Variants in DUS2 observed in about 807,000 individuals in gnomAD.
The protein encoded by DUS2 is tRNA-dihydrouridine(20) synthase [NAD(P)+]-like.
DUS2 carries 52 observed loss-of-function variants against 71.3 expected under a neutral mutation model. That is an observed-to-expected ratio of 0.73 (90% confidence interval 0.58 to 0.92). DUS2 has a LOEUF of 0.92. DUS2 is among the 40% of genes least tolerant of loss of function. The pLI, the probability that DUS2 is intolerant of heterozygous loss-of-function variation, is 0.00. For synonymous variants in DUS2, 204 were observed against 227.8 expected (o/e 0.90, Z 0.94); for missense variants, 558 against 622.6 (o/e 0.90, Z 1.10).
In DUS2 at chr16:68,023,312, G is replaced by A; in HGVS notation, c.-138G>A. The A allele has an allele frequency of 7.8e-7, 1 of 1,289,616 alleles. No homozygotes were observed. The allele number at this position is 1,289,616 out of a possible 1,614,324, so 79.9% of individuals were successfully genotyped here. ...ACGGTGTGTGGAGCTGGAGCACCGT[G>A]AGGAAGAAGCGAGGTTCTTTTTAAG... On this transcript the variant is annotated 5_prime_UTR_variant, in exon 1 of 17. Transcript: ENST00000565263.
intron 3 of DUS2, among the ~76,000 whole-genome samples, chr16:68,042,975 T>TG (rs1423083377): frequency 4.6e-5 from 7 of 152,308 alleles, no homozygotes; most frequent in Admixed American, 4.6e-4. Flanking sequence ...CCCAAAGTGC[T>TG]GGGATTACAG....
chr16:68,050,532 C>CATT (rs1275487551), intron 4 of DUS2, among the ~76,000 whole-genome samples: 1 of 152,122 alleles, frequency 6.6e-6, no homozygotes, highest in Non-Finnish European at 1.5e-5. Context: ...CATAATCCTA[C>CATT]ACCTAAAGAG....
intron 13 of DUS2, among the ~76,000 whole-genome samples, chr16:68,074,860 G>A (rs1598320624): frequency 6.6e-6 from 1 of 152,302 alleles, no homozygotes; most frequent in Non-Finnish European, 1.5e-5. Flanking sequence ...CTTGGCTTAT[G>A]GCATTGGTTC....
In DUS2 at chr16:68,033,485, TA is replaced by T. The variant is rs1326954194; in HGVS notation, c.-18-4512del. On this transcript the variant is annotated intron_variant, in intron 2 of 16. Coordinates refer to ENST00000565263, the MANE Select transcript of DUS2 (RefSeq NM_017803.5). ...TTTAAAATTATTTTTATTTAAAAATTAAAAAAAAATTTTTTTTGAGACAGGG... is the reference window on the plus strand; with the variant it reads ...TTTAAAATTATTTTTATTTAAAAATTAAAAAAAATTTTTTTTGAGACAGGG... 3.3e-5 allele frequency among the ~76,000 whole-genome samples: 5 copies of T among 151,582 alleles called. 1 individual carries two copies. The highest frequency in any genetic ancestry group is 1.9e-4 in the East Asian group (1 of 5,196).
At chr16:68,040,385 A>G (rs1567471796) in intron 3 of DUS2, among the ~76,000 whole-genome samples, 1 of 152,140 alleles carries the variant, frequency 6.6e-6, no homozygotes, top group East Asian at 1.9e-4. Context: ...ACCCGGCCTT[A>G]GGATTGTTTT....
chr16:68,044,035 T>TA lies in DUS2; in HGVS notation c.127-5469dup, dbSNP rs761182787. On this transcript the variant is annotated intron_variant, in intron 3 of 16. Transcript: ENST00000565263. ...TTTATATCTGGACTCTCATTTCTGTTACGCTGGTCTGTATGTCTACCTGTA... is the reference window on the plus strand; with the variant it reads ...TTTATATCTGGACTCTCATTTCTGTTAACGCTGGTCTGTATGTCTACCTGTA... 1.4e-3 allele frequency among the ~76,000 whole-genome samples: 206 copies of TA among 152,362 alleles called. 1 individual carries two copies. Among genetic ancestry groups the TA allele is most frequent in the Admixed American group, 2.6e-3 (40 of 15,296 alleles).
Position 68,079,184 on chromosome 16 carries a change from G to A in DUS2, c.*198G>A. ...ATCCTGGCCCCTTTGGTGGATCTGA[G>A]TGACAGGGTCAAGTTCTCTTTGAAA... On this transcript the variant is annotated 3_prime_UTR_variant, in exon 17 of 17. Transcript: ENST00000565263. 1 of 464,686 alleles carries A rather than the reference G, an allele frequency of 2.2e-6. No individual in the cohort carries two copies. The highest frequency in any genetic ancestry group is 3.8e-6 in the Non-Finnish European group (1 of 265,220). The allele number at this position is 464,686 out of a possible 1,614,324, so 28.8% of individuals were successfully genotyped here.
At chr16:68,054,654 T>A in intron 6 of DUS2, 37 bp downstream of exon 6, 1 of 1,613,358 alleles carries the variant, frequency 6.2e-7, no homozygotes, top group Non-Finnish European at 8.5e-7. Flanking sequence ...TGCCTTTGCC[T>A]CTCCTTTGAG....
At chr16:68,027,970 G>A (rs1161271924) in intron 2 of DUS2, among the ~76,000 whole-genome samples, 1 of 152,200 alleles carries the variant, frequency 6.6e-6, no homozygotes, top group Non-Finnish European at 1.5e-5. Context: ...AGGGCAGGAG[G>A]CAGGTGATGA....
intron 10 of DUS2, 47 bp downstream of exon 10, chr16:68,066,683 C>T: frequency 1.9e-6 from 3 of 1,569,308 alleles, no homozygotes; most frequent in South Asian, 1.1e-5. Flanking sequence ...CCTAACCCAT[C>T]TTAGTGATCC....
chr16:68,056,998 A>C (rs1467363833), intron 7 of DUS2, among the ~76,000 whole-genome samples: 1 of 140,330 alleles, frequency 7.1e-6, no homozygotes, highest in African/African-American at 2.6e-5. Context: ...TAAATATATA[A>C]ATATATAATA....
chr16:68,057,931 G>A (rs1041501146), intron 7 of DUS2, among the ~76,000 whole-genome samples: 4 of 149,860 alleles, frequency 2.7e-5, no homozygotes, highest in East Asian at 2.0e-4. Context: ...TCCCATTGTC[G>A]TATCAGAAGA....
At chr16:68,026,229 G>A (rs2033347774) in intron 2 of DUS2, among the ~76,000 whole-genome samples, 1 of 152,106 alleles carries the variant, frequency 6.6e-6, no homozygotes. Context: ...GACCTCAGTT[G>A]ATCTGCCTGC....
chr16:68,029,521 A>C (rs2033406971), intron 2 of DUS2, among the ~76,000 whole-genome samples: 1 of 151,906 alleles, frequency 6.6e-6, no homozygotes, highest in African/African-American at 2.4e-5. Flanking sequence ...ATCTTGGCTC[A>C]CTGCAGCCTC....
chr16:68,024,572 T>A (rs1306415023), intron 1 of DUS2, among the ~76,000 whole-genome samples: 3 of 152,176 alleles, frequency 2.0e-5, no homozygotes, highest in Non-Finnish European at 4.4e-5. Context: ...AACTTTGCTT[T>A]TTTTGGAATA....
intron 8 of DUS2, among the ~76,000 whole-genome samples, chr16:68,063,191 GCC>G (rs2151422740): frequency 6.6e-6 from 1 of 152,332 alleles, no homozygotes; most frequent in African/African-American, 2.4e-5. Flanking sequence ...ACTCAGATGG[GCC>G]AGGTTGGACT....
chr16:68,023,885 A>G (rs2033299273), intron 1 of DUS2: 1 of 167,096 alleles, frequency 6.0e-6, no homozygotes, highest in Non-Finnish European at 1.5e-5. Flanking sequence ...ACGCGTCCCA[A>G]CTTCTCATCC....
At chr16:68,053,992 A>G in intron 5 of DUS2, 1 of 243,726 alleles carries the variant, frequency 4.1e-6, no homozygotes, top group Non-Finnish European at 8.0e-6. Flanking sequence ...TGTAGTGTGT[A>G]TATATTTCTC....
intron 2 of DUS2, among the ~76,000 whole-genome samples, chr16:68,030,080 GA>G (rs2033415734): frequency 6.6e-6 from 1 of 151,920 alleles, no homozygotes; most frequent in African/African-American, 2.4e-5. Context: ...TGTCTTTGGG[GA>G]AAATTGACAG....
Sources: gnomAD v4.1 joint callset for allele counts (sites outside exome capture counted in the v4.1 genomes callset) on GRCh38, gnomAD v4.1.1 for gene constraint, MANE v1.5 for transcripts, NCBI Gene and HGNC (gene_info 2026-07-23, HGNC 2026-07-21) for gene names.